The following DAOA variants were observed in gnomAD, a reference collection of about 807,000 sequenced individuals.
DAOA encodes D-amino acid oxidase regulator.
DAOA carries 15 observed loss-of-function variants against 16.4 expected under a neutral mutation model. The observed-to-expected ratio is 0.91, with a 90% CI of 0.61 to 1.41. DAOA has a LOEUF of 1.41. Ranked by LOEUF, DAOA falls within the 40% of genes most tolerant of loss-of-function variation. The pLI, the probability that DAOA is intolerant of heterozygous loss-of-function variation, is 0.00. For missense variants in DAOA, 230 were observed against 176.8 expected (o/e 1.30, Z -1.71); for synonymous variants, 75 against 59.1 (o/e 1.27, Z -1.23).
chr13:105,472,514 A>C, intron 3 of DAOA, 24 bp from the exon 4 acceptor site: 1 of 1,608,544 alleles, frequency 6.2e-7, no homozygotes, highest in East Asian at 2.2e-5. Flanking sequence ...TATGTATTAT[A>C]TATCCACTTA....
intron 4 of DAOA, among the ~76,000 whole-genome samples, chr13:105,487,049 T>C (rs1179418845): frequency 2.0e-5 from 3 of 152,170 alleles, no homozygotes; most frequent in African/African-American, 7.2e-5. Context: ...ATTATTGGAT[T>C]ACAGTGGTCA....
chr13:105,490,226 T>A (rs1878423676), intron 5 of DAOA, 34 bp downstream of exon 5: 1 of 1,020,078 alleles, frequency 9.8e-7, no homozygotes. Context: ...TTTTTATGAA[T>A]ATTTTTATGA....
chr13:105,470,716 TCTC>T (rs1165120654), intron 3 of DAOA, among the ~76,000 whole-genome samples: 1 of 152,078 alleles, frequency 6.6e-6, no homozygotes, highest in Non-Finnish European at 1.5e-5. Flanking sequence ...TTCAAGCAAT[TCTC>T]CTGCCTCAGC....
At chr13:105,466,881 C>G in intron 2 of DAOA, 172 bp from the exon 3 acceptor site, 1 of 898,394 alleles carries the variant, frequency 1.1e-6, no homozygotes, top group Non-Finnish European at 1.5e-6. Flanking sequence ...ACCTCAATAT[C>G]TTCATCTATA....
intron 4 of DAOA, among the ~76,000 whole-genome samples, chr13:105,482,833 G>A (rs1401407922): frequency 1.3e-5 from 2 of 152,044 alleles, no homozygotes; most frequent in East Asian, 1.9e-4. Flanking sequence ...ATGAAATTGT[G>A]AACTTGGAAA....
chr13:105,475,438 C>T (rs1167196953), intron 4 of DAOA, among the ~76,000 whole-genome samples: 1 of 152,144 alleles, frequency 6.6e-6, no homozygotes, highest in African/African-American at 2.4e-5. Context: ...AAGGATCTTT[C>T]CCTTAGGAAC....
Position 105,466,480 on chromosome 13 carries a change from C to A in DAOA, c.44+148C>A. ...AGCCTGAGCCCAGTATATGGTTCAG[C>A]CTTACTTTCTCCCATATTCTGTCAG... is the stretch of plus-strand genomic sequence containing the variant. On this transcript the variant is annotated intron_variant, in intron 2 of 5. Transcript: ENST00000375936. The A allele has an allele frequency of 2.3e-6, 3 of 1,303,602 alleles. No homozygotes were observed. In the South Asian group the frequency reaches 4.5e-5, roughly 20 times the overall value. 80.8% of individuals were successfully genotyped at this position (1,303,602 alleles called of 1,614,324 possible).
At chr13:105,466,097 A>C in intron 1 of DAOA, 37 bp downstream of exon 1, 3 of 767,002 alleles carry the variant, frequency 3.9e-6, no homozygotes, top group Non-Finnish European at 6.0e-6. Flanking sequence ...ACAGTGAGCA[A>C]GTTTATCAGC....
rs554650358 is a variant in DAOA, at chr13:105,466,336, G to A, written c.44+4G>A. ...CTGATTCTCTCCAGCTTTTCAGGTA[G>A]GTAGCTTGGGGTTTTTTACAGCATG... On this transcript the variant is annotated splice_donor_region_variant and intron_variant, in intron 2 of 5. Transcript: ENST00000375936. 3 of 1,614,032 alleles carry A rather than the reference G, an allele frequency of 1.9e-6. No homozygotes were observed. The highest frequency in any genetic ancestry group is 1.7e-5 in the Admixed American group (1 of 60,006).
intron 4 of DAOA, among the ~76,000 whole-genome samples, chr13:105,488,225 G>A (rs932670808): frequency 6.6e-6 from 1 of 152,118 alleles, no homozygotes; most frequent in Non-Finnish European, 1.5e-5. Flanking sequence ...TTTTTTAAGT[G>A]TAATATTCTT....
intron 4 of DAOA, among the ~76,000 whole-genome samples, chr13:105,487,597 A>T (rs975640085): frequency 6.6e-6 from 1 of 152,142 alleles, no homozygotes; most frequent in Non-Finnish European, 1.5e-5. Context: ...AAAAGAAAAA[A>T]AAAAAACGGT....
At chr13:105,482,878 A>G (rs1428974248) in intron 4 of DAOA, among the ~76,000 whole-genome samples, 2 of 152,148 alleles carry the variant, frequency 1.3e-5, no homozygotes, top group Non-Finnish European at 2.9e-5. Context: ...TTACAGAGGC[A>G]TAACTGACAC....
intron 4 of DAOA, among the ~76,000 whole-genome samples, chr13:105,484,202 T>A (rs926499697): frequency 6.6e-6 from 1 of 152,146 alleles, no homozygotes; most frequent in African/African-American, 2.4e-5. Flanking sequence ...GGTCTATTTT[T>A]TTTTTACTTT....
intron 4 of DAOA, among the ~76,000 whole-genome samples, chr13:105,481,732 C>A (rs1191222689): frequency 1.3e-5 from 2 of 152,128 alleles, no homozygotes; most frequent in Non-Finnish European, 2.9e-5. Flanking sequence ...TTTTCTCTCT[C>A]CCTTGTATCC....
chr13:105,483,798 A>C (rs948067473), intron 4 of DAOA, among the ~76,000 whole-genome samples: 43 of 151,750 alleles, frequency 2.8e-4, no homozygotes, highest in Non-Finnish European at 4.4e-5. Flanking sequence ...ATTGTCTTTT[A>C]ATTTTCTTAA....
At chr13:105,486,721 C>A (rs767094047) in intron 4 of DAOA, among the ~76,000 whole-genome samples, 3 of 151,728 alleles carry the variant, frequency 2.0e-5, no homozygotes, top group Non-Finnish European at 2.9e-5. Flanking sequence ...CAGGTTCAAG[C>A]GATTCTCCTG....
intron 4 of DAOA, among the ~76,000 whole-genome samples, chr13:105,483,267 G>A (rs1012363921): frequency 6.6e-6 from 1 of 152,122 alleles, no homozygotes; most frequent in Non-Finnish European, 1.5e-5. Context: ...ATGGGCATTA[G>A]AGTTGTTTCC....
rs572396833 is a variant in DAOA, at chr13:105,481,445, C to G, written c.282-8456C>G. On this transcript the variant is annotated intron_variant, in intron 4 of 5. Transcript: ENST00000375936. The stretch of plus-strand genomic sequence containing the variant: ...TGGTCTAAACTAAAACACATACTGT[C>G]TGCCCCACTCTCTGAAGTGGCTATT... 1.3e-4 allele frequency among the ~76,000 whole-genome samples: 20 copies of G among 152,294 alleles called. No homozygotes were observed. In the East Asian group the frequency reaches 2.3e-3, roughly 18 times the overall value.
intron 4 of DAOA, among the ~76,000 whole-genome samples, chr13:105,475,434 C>A (rs1877262117): frequency 6.6e-6 from 1 of 152,162 alleles, no homozygotes; most frequent in Admixed American, 6.6e-5. Context: ...AGGAAAGGAT[C>A]TTTCCCTTAG....
Sources: allele counts gnomAD v4.1 joint callset (sites outside exome capture counted in the v4.1 genomes callset), GRCh38; gene constraint gnomAD v4.1.1; transcripts MANE v1.5; gene names NCBI Gene and HGNC (gene_info 2026-07-23, HGNC 2026-07-21).